The following ZFHX3 variants were observed in gnomAD, a reference collection of about 807,000 sequenced individuals.
The protein encoded by ZFHX3 is zinc finger homeobox protein 3.
In ZFHX3, 42 loss-of-function variants were observed where a neutral mutation model predicts 279.1. The ratio of observed to expected loss-of-function variants is 0.15; its 90% CI spans 0.12 to 0.19. The LOEUF is 0.19. ZFHX3 is among the 10% of genes least tolerant of loss of function. The probability of loss-of-function intolerance (pLI) is 1.00; values close to 1 mark genes in which losing one functional copy is unlikely to be tolerated. For synonymous variants in ZFHX3, 2,293 were observed against 1,957.8 expected, an observed-to-expected ratio of 1.17 and a Z score of -4.52; for missense variants, 4,981 against 4,754.0, an observed-to-expected ratio of 1.05 and a Z score of -1.40.
intron 3 of ZFHX3, among the ~76,000 whole-genome samples, chr16:73,352,085 C>T (rs919275785): frequency 3.3e-5 from 5 of 152,214 alleles, no homozygotes; most frequent in Admixed American, 6.5e-5. Flanking sequence ...CACTTCCATT[C>T]AGACTGAGAG....
chr16:72,855,646 T>G (rs557479659), intron 4 of ZFHX3, among the ~76,000 whole-genome samples: 1 of 152,314 alleles, frequency 6.6e-6, no homozygotes, highest in Non-Finnish European at 1.5e-5. Flanking sequence ...AACCTTCCCC[T>G]TTAAAAAGCA....
intron 2 of ZFHX3, among the ~76,000 whole-genome samples, chr16:73,473,362 A>AAC (rs2018707674): frequency 5.1e-5 from 3 of 58,434 alleles, no homozygotes; most frequent in Non-Finnish European, 1.1e-4. Context: ...AAAAAACAAA[A>AAC]AAAAAAAAAA....
intron 3 of ZFHX3, among the ~76,000 whole-genome samples, chr16:72,929,012 C>T (rs1290343713): frequency 6.6e-6 from 1 of 151,930 alleles, no homozygotes. Context: ...CCAAGGTGGG[C>T]AGATCACTAA....
intron 3 of ZFHX3, among the ~76,000 whole-genome samples, chr16:73,405,171 C>T (rs574761239): frequency 5.3e-5 from 8 of 152,036 alleles, no homozygotes; most frequent in African/African-American, 1.7e-4. Context: ...CGACCAAAGC[C>T]GGAAAGGAAA....
At chr16:73,724,620 T>A (rs564755724) in intron 1 of ZFHX3, among the ~76,000 whole-genome samples, 2 of 152,276 alleles carry the variant, frequency 1.3e-5, no homozygotes, top group African/African-American at 4.8e-5. Flanking sequence ...CAGGATAGAA[T>A]TTTAGGGAAC....
Position 72,958,695 on chromosome 16 carries a change from T to C in ZFHX3, c.1451A>G (p.Glu484Gly). ...EEEEEEEEEEEEEEDEGCKGL... is the reference protein window; with the variant it reads ...EEEEEEEEEEGEEEDEGCKGL... ...TTTGCAACCCTCGTCTTCCTCCTCC[T>C]CTTCTTCCTCCTCCTCTTCTTCCTC... Residue 484 changes from glutamate to glycine, a missense_variant, in exon 2 of 10, where the codon GAG becomes GGG. Glu to Gly is a moderately conservative substitution (Grantham distance 98). Around this residue, in one of 7 missense-constraint regions of ZFHX3, gnomAD observed 1,068 missense variants for 935.2 expected, o/e 1.14. Transcript: ENST00000268489. 2 of 1,611,510 alleles carry C rather than the reference T, an allele frequency of 1.2e-6. No homozygotes were observed. Among genetic ancestry groups the C allele is most frequent in the Non-Finnish European group, 1.7e-6 (2 of 1,178,606 alleles).
chr16:73,206,223 A>T (rs954424042), intron 5 of ZFHX3, among the ~76,000 whole-genome samples: 6 of 152,206 alleles, frequency 3.9e-5, no homozygotes, highest in African/African-American at 1.4e-4. Flanking sequence ...CCACACATGG[A>T]TTACCAATTT....
At chr16:73,777,770 C>T (rs1384347916) in intron 1 of ZFHX3, among the ~76,000 whole-genome samples, 1 of 152,138 alleles carries the variant, frequency 6.6e-6, no homozygotes, top group Non-Finnish European at 1.5e-5. Flanking sequence ...ATGTTATCTC[C>T]ATTTTGCATG....
chr16:73,407,586 C>T (rs976026923), intron 3 of ZFHX3, among the ~76,000 whole-genome samples: 1 of 152,148 alleles, frequency 6.6e-6, no homozygotes, highest in Non-Finnish European at 1.5e-5. Context: ...AGGAACAGAC[C>T]ACTGAGCTTT....
intron 1 of ZFHX3, among the ~76,000 whole-genome samples, chr16:73,695,123 G>A (rs965718502): frequency 6.6e-5 from 10 of 152,232 alleles, no homozygotes; most frequent in East Asian, 5.8e-4. Context: ...CCTATACCCC[G>A]ATGGGGTGGT....
chr16:73,641,561 T>C (rs2052573246), intron 2 of ZFHX3, among the ~76,000 whole-genome samples: 1 of 152,182 alleles, frequency 6.6e-6, no homozygotes, highest in Admixed American at 6.5e-5. Context: ...TACATTATTA[T>C]ATTCAGCATA....
intron 2 of ZFHX3, among the ~76,000 whole-genome samples, chr16:73,506,299 G>C (rs1467917748): frequency 6.6e-6 from 1 of 152,094 alleles, no homozygotes; most frequent in Admixed American, 6.5e-5. Context: ...CCAGTATGTA[G>C]GAATGCCTAA....
chr16:73,782,411 G>A (rs916205830), intron 1 of ZFHX3, among the ~76,000 whole-genome samples: 5 of 152,174 alleles, frequency 3.3e-5, no homozygotes, highest in Admixed American at 1.3e-4. Context: ...ATGTTAAAGG[G>A]CCCATTATCC....
chr16:73,757,720 T>C (rs527332008), intron 1 of ZFHX3, among the ~76,000 whole-genome samples: 2 of 152,120 alleles, frequency 1.3e-5, no homozygotes, highest in East Asian at 3.9e-4. Context: ...GAGCACAGAG[T>C]TGGAGGGTTC....
In ZFHX3 at chr16:73,471,173, G is replaced by A. The variant is rs912176122; in HGVS notation, c.-1546-14915C>T. ...ATCATAGTCAACAATTAATGGTGCC[G>A]TGTAGGAATCTTGATTGCTCTTAGG... On this transcript the variant is annotated intron_variant, in intron 2 of 17. Coordinates refer to the ZFHX3 transcript ENST00000641206. Among the ~76,000 whole-genome samples, 26 of 152,184 alleles carry A rather than the reference G, an allele frequency of 1.7e-4. 1 individual carries two copies. The highest frequency in any genetic ancestry group is 5.3e-4 in the African/African-American group (22 of 41,436).
intron 2 of ZFHX3, among the ~76,000 whole-genome samples, chr16:73,574,451 C>A (rs2048477494): frequency 6.6e-6 from 1 of 152,076 alleles, no homozygotes; most frequent in African/African-American, 2.4e-5. Flanking sequence ...TTTTATTTGC[C>A]CATCTCTGGA....
chr16:73,117,036 A>G (rs934901179), intron 7 of ZFHX3, among the ~76,000 whole-genome samples: 2 of 152,228 alleles, frequency 1.3e-5, no homozygotes, highest in Admixed American at 6.5e-5. Flanking sequence ...TTTATTTCCT[A>G]CAAAGCAAAG....
intron 1 of ZFHX3, among the ~76,000 whole-genome samples, chr16:73,883,601 A>G (rs2030249155): frequency 1.3e-5 from 2 of 152,174 alleles, no homozygotes; most frequent in Admixed American, 6.5e-5. Context: ...ACAAAAATAC[A>G]TCTGCCAGAA....
At chr16:73,878,620 G>A (rs554105851) in intron 1 of ZFHX3, among the ~76,000 whole-genome samples, 3 of 151,734 alleles carry the variant, frequency 2.0e-5, no homozygotes, top group South Asian at 4.2e-4. Flanking sequence ...ATTATCTACT[G>A]TTTCTTTTTT....
Sources: allele counts gnomAD v4.1 joint callset (sites outside exome capture counted in the v4.1 genomes callset), GRCh38; gene constraint gnomAD v4.1.1; regional missense constraint gnomAD v4.1.1; transcripts MANE v1.5; gene names NCBI Gene and HGNC (gene_info 2026-07-23, HGNC 2026-07-21).